The following RAB11FIP4 variants were observed in gnomAD, a reference collection of about 807,000 sequenced individuals.
RAB11FIP4 encodes RAB11 family interacting protein 4.
Under a neutral mutation model 74.3 loss-of-function variants are expected in RAB11FIP4, and 23 were observed. The observed-to-expected ratio is 0.31, with a 90% confidence interval of 0.22 to 0.44. The LOEUF (loss-of-function observed/expected upper bound fraction) is 0.44, where lower values mean the gene tolerates loss of function less well. Among genes scored for constraint, RAB11FIP4 ranks in the 20% least tolerant of loss-of-function variants. The probability of loss-of-function intolerance (pLI) is 1.00; values close to 1 mark genes in which losing one functional copy is unlikely to be tolerated. For missense variants in RAB11FIP4, 630 were observed against 863.9 expected, an observed-to-expected ratio of 0.73 and a Z score of 3.39; for synonymous variants, 360 against 359.9, an observed-to-expected ratio of 1.00 and a Z score of 0.00.
At chr17:31,485,042 G>C (rs1455173970) in intron 3 of RAB11FIP4, among the ~76,000 whole-genome samples, 1 of 152,208 alleles carries the variant, frequency 6.6e-6, no homozygotes, top group South Asian at 2.1e-4. Context: ...GCTGCTGGTA[G>C]TGACTAGGAA....
chr17:31,521,803 G>C, intron 5 of RAB11FIP4, 112 bp from the exon 6 acceptor site: 1 of 1,262,752 alleles, frequency 7.9e-7, no homozygotes, highest in East Asian at 2.4e-5. Context: ...CCCCTCCCCC[G>C]TAACAAGGTT....
intron 3 of RAB11FIP4, among the ~76,000 whole-genome samples, chr17:31,513,822 G>A (rs1279043908): frequency 6.6e-6 from 1 of 152,170 alleles, no homozygotes; most frequent in Non-Finnish European, 1.5e-5. Flanking sequence ...AGGCAGGTGA[G>A]GACTTGGTGT....
chr17:31,402,870 C>T (rs1457350342), intron 1 of RAB11FIP4, among the ~76,000 whole-genome samples: 1 of 151,984 alleles, frequency 6.6e-6, no homozygotes, highest in Non-Finnish European at 1.5e-5. Context: ...TGTGATCCAC[C>T]CGCCTTGGCC....
At chr17:31,478,477 G>A (rs1035387459) in intron 3 of RAB11FIP4, among the ~76,000 whole-genome samples, 12 of 152,306 alleles carry the variant, frequency 7.9e-5, no homozygotes, top group African/African-American at 2.9e-4. Flanking sequence ...AGCTAGGGAG[G>A]CTTCTCTCCT....
At chr17:31,436,992 A>G (rs1168477364) in intron 3 of RAB11FIP4, among the ~76,000 whole-genome samples, 1 of 151,474 alleles carries the variant, frequency 6.6e-6, no homozygotes, top group Non-Finnish European at 1.5e-5. Context: ...GGGTTTCACC[A>G]TGTTAGCCAG....
At chr17:31,431,972 G>A in intron 2 of RAB11FIP4, 72 bp downstream of exon 2, 1 of 1,198,230 alleles carries the variant, frequency 8.3e-7, no homozygotes, top group South Asian at 1.3e-5. Context: ...GTGTGACTGG[G>A]GGCCCAGCCT....
rs374689346 is a variant in RAB11FIP4, at chr17:31,531,717, C to T, written c.1899C>T (p.Leu633=). Reference sequence around the variant, plus strand: ...TCCTGGACCACAATCCCTCCATCCTCGAGATCAAACACTAAGGCACGGGGC... The same window carrying T: ...TCCTGGACCACAATCCCTCCATCCTTGAGATCAAACACTAAGGCACGGGGC... The part of the protein sequence containing the change: ...LAILDHNPSI[L]EIKH The change falls in exon 15 of 15, where the codon CTC becomes CTT. Residue 633 remains leucine, a synonymous_variant. Transcript: ENST00000621161. 122 of 1,611,804 alleles carry T rather than the reference C, an allele frequency of 7.6e-5. No individual in the cohort carries two copies. Among genetic ancestry groups the T allele is most frequent in the South Asian group, 1.9e-4 (17 of 91,062 alleles).
intron 3 of RAB11FIP4, among the ~76,000 whole-genome samples, chr17:31,514,431 T>C (rs562161970): frequency 1.6e-4 from 25 of 152,142 alleles, no homozygotes; most frequent in Non-Finnish European, 3.1e-4. Flanking sequence ...CTCCCCAGGA[T>C]GTGGCTGTAG....
chr17:31,521,828 A>G, intron 5 of RAB11FIP4, 87 bp from the exon 6 acceptor site: 1 of 1,503,446 alleles, frequency 6.7e-7, no homozygotes, highest in Non-Finnish European at 9.2e-7. Flanking sequence ...GGTACTGGGG[A>G]CTCAAGTAAA....
intron 3 of RAB11FIP4, among the ~76,000 whole-genome samples, chr17:31,452,328 G>T (rs1027338375): frequency 1.3e-5 from 2 of 152,108 alleles, no homozygotes; most frequent in African/African-American, 4.8e-5. Flanking sequence ...TCTTTGTCAG[G>T]GAGGGATGGG....
intron 3 of RAB11FIP4, chr17:31,448,461 G>A (rs1202241727): frequency 6.9e-6 from 1 of 144,022 alleles, no homozygotes; most frequent in Non-Finnish European, 1.5e-5. Flanking sequence ...CAAACTCCTG[G>A]CCTCAAGCAA....
chr17:31,465,262 G>A (rs191713185), intron 3 of RAB11FIP4, among the ~76,000 whole-genome samples: 1 of 152,224 alleles, frequency 6.6e-6, no homozygotes, highest in East Asian at 1.9e-4. Context: ...GGACTCCAAA[G>A]TCCTCCTCAA....
intron 3 of RAB11FIP4, among the ~76,000 whole-genome samples, chr17:31,483,192 C>CAAAAAAAAAA (rs56720417): frequency 3.4e-5 from 2 of 58,572 alleles, no homozygotes; most frequent in East Asian, 4.9e-4. Flanking sequence ...GACTGCATCT[C>CAAAAAAAAAA]AAAAAAAAAA....
intron 1 of RAB11FIP4, among the ~76,000 whole-genome samples, chr17:31,403,120 C>T (rs529144105): frequency 1.1e-3 from 158 of 143,670 alleles, no homozygotes; most frequent in African/African-American, 4.0e-3. Context: ...CCATGACCCA[C>T]ATGGGTACTG....
intron 3 of RAB11FIP4, among the ~76,000 whole-genome samples, chr17:31,473,961 G>A (rs529451396): frequency 1.3e-5 from 2 of 152,296 alleles, no homozygotes; most frequent in Admixed American, 1.3e-4. Context: ...CCATCCTGGG[G>A]CAGCCCTCAT....
At chr17:31,438,304 A>G (rs769997350) in intron 3 of RAB11FIP4, among the ~76,000 whole-genome samples, 9 of 152,016 alleles carry the variant, frequency 5.9e-5, no homozygotes, top group Non-Finnish European at 1.2e-4. Context: ...CAGTAATGTG[A>G]ACCCTAATCC....
rs2071202774 is a variant in RAB11FIP4, at chr17:31,421,813, C to A, written c.160-10000C>A. ...ACCTCAGGTGATCCACCTGCCTCAG[C>A]CCCTCCCAAAGTGCCAGGATTATAG... On this transcript the variant is annotated intron_variant, in intron 1 of 14. Coordinates refer to ENST00000621161, the MANE Select transcript of RAB11FIP4 (RefSeq NM_032932.6). 2.6e-5 allele frequency among the ~76,000 whole-genome samples: 4 copies of A among 152,106 alleles called. No individual in the cohort carries two copies. In the South Asian group the frequency reaches 6.2e-4, roughly 24 times the overall value.
At chr17:31,530,745 G>A (rs1375116886) in intron 14 of RAB11FIP4, among the ~76,000 whole-genome samples, 1 of 152,238 alleles carries the variant, frequency 6.6e-6, no homozygotes, top group Non-Finnish European at 1.5e-5. Context: ...AACATAGCCA[G>A]CTGAGTGGAT....
chr17:31,491,876 A>G (rs4795613), intron 3 of RAB11FIP4, among the ~76,000 whole-genome samples: 75,734 of 152,088 alleles, frequency 0.5, 19,549 homozygotes, highest in African/African-American at 0.63. Flanking sequence ...CTGCTGCCAC[A>G]GACTTCCCTG....
Sources: gnomAD v4.1 joint callset for allele counts (sites outside exome capture counted in the v4.1 genomes callset) on GRCh38, gnomAD v4.1.1 for gene constraint, MANE v1.5 for transcripts, NCBI Gene and HGNC (gene_info 2026-07-23, HGNC 2026-07-21) for gene names.